Variants in NFIB observed in about 807,000 individuals in gnomAD.
The protein encoded by NFIB is nuclear factor I B.
Under a neutral mutation model 61.5 loss-of-function variants are expected in NFIB, and 11 were observed. That is an observed-to-expected ratio of 0.18 (90% CI 0.11 to 0.30). NFIB has a LOEUF of 0.30. Ranked by LOEUF, NFIB falls within the 10% of genes least tolerant of loss-of-function variation. NFIB has a pLI of 1.00. For missense variants in NFIB, 471 were observed against 608.9 expected (o/e 0.77, Z 2.38); for synonymous variants, 260 against 216.5 (o/e 1.20, Z -1.76).
chr9:14,443,023 C>T, the NFIB span, among the ~76,000 whole-genome samples: 1 of 144,030 alleles, frequency 6.9e-6, no homozygotes, highest in Non-Finnish European at 1.5e-5. Context: ...AAATCTAACC[C>T]AACCCCCCAC....
intron 6 of NFIB, among the ~76,000 whole-genome samples, chr9:14,128,010 A>T (rs1239026103): frequency 6.6e-6 from 1 of 152,014 alleles, no homozygotes; most frequent in African/African-American, 2.4e-5. Flanking sequence ...AAGAAAAAAA[A>T]TTTAAACCAT....
chr9:14,148,074 A>G (rs1395881299), intron 5 of NFIB, among the ~76,000 whole-genome samples: 1 of 152,118 alleles, frequency 6.6e-6, no homozygotes, highest in Non-Finnish European at 1.5e-5. Flanking sequence ...CCCCACCAAT[A>G]AAGCAGACAA....
intron 1 of NFIB, among the ~76,000 whole-genome samples, chr9:14,326,161 C>T (rs1015487950): frequency 6.6e-6 from 1 of 152,058 alleles, no homozygotes; most frequent in Non-Finnish European, 1.5e-5. Context: ...AGAGGAAAAC[C>T]CAGGCATAAA....
the NFIB span, among the ~76,000 whole-genome samples, chr9:14,458,215 T>C: frequency 6.6e-6 from 1 of 152,126 alleles, no homozygotes; most frequent in Non-Finnish European, 1.5e-5. Flanking sequence ...GTTCAACATA[T>C]GCAAATCAAT....
chr9:14,399,071 A>T (rs1311957827), upstream of NFIB: 1 of 199,200 alleles, frequency 5.0e-6, no homozygotes, highest in Non-Finnish European at 1.0e-5. Context: ...ACTATATGGG[A>T]ATTTCAAAAA....
chr9:14,277,536 T>C (rs2058085536), intron 2 of NFIB, among the ~76,000 whole-genome samples: 1 of 152,266 alleles, frequency 6.6e-6, no homozygotes, highest in Non-Finnish European at 1.5e-5. Context: ...AGTCTGAATT[T>C]AGTAATTTAA....
At position 14,082,668 on chromosome 9, in the gene NFIB, GTT is replaced by G. The variant is rs35029845; in HGVS notation, c.*5639_*5640del. 22 of 174,920 alleles carry G rather than the reference GTT, an allele frequency of 1.3e-4. No individual in the cohort carries two copies. Among genetic ancestry groups the G allele is most frequent in the African/African-American group, 2.1e-4 (8 of 38,704 alleles). 10.8% of individuals were successfully genotyped at this position (174,920 alleles called of 1,614,324 possible). A position where few individuals can be genotyped will look rare whatever the true frequency, so the allele number is the denominator to read the frequency against. ...GAGTTTTTTGGTAAACATTTTGCTG[GTT>G]TTTTTTTTTTGTTTGTTTCTTTCTT... is the stretch of plus-strand genomic sequence containing the variant. On this transcript the variant is annotated 3_prime_UTR_variant, in exon 11 of 11. Transcript: ENST00000380953.
At position 14,326,745 on chromosome 9, in the gene NFIB, A is replaced by C. The variant is rs138398136; in HGVS notation, c.109-19225T>G. The stretch of plus-strand genomic sequence containing the variant: ...TGCAGTTATGACTCAATGTGTGAAA[A>C]ATCTGCTCTCTGATTCAACAGTGGT... On this transcript the variant is annotated intron_variant, in intron 1 of 8. Coordinates refer to the NFIB transcript ENST00000380934. 6.1e-3 allele frequency among the ~76,000 whole-genome samples: 927 copies of C among 152,228 alleles called. 9 individuals are homozygous for C. Among genetic ancestry groups the C allele is most frequent in the South Asian group, 0.019 (93 of 4,822 alleles).
intron 2 of NFIB, among the ~76,000 whole-genome samples, chr9:14,245,079 A>G (rs1056413592): frequency 4.6e-5 from 7 of 152,168 alleles, no homozygotes; most frequent in Admixed American, 4.6e-4. Flanking sequence ...GTTTGGGATA[A>G]CAACAGCTAA....
the NFIB span, among the ~76,000 whole-genome samples, chr9:14,519,984 C>G: frequency 6.6e-5 from 10 of 151,872 alleles, no homozygotes; most frequent in Admixed American, 6.5e-4. Flanking sequence ...CCCCTTAGTT[C>G]TCTACGTTAT....
the NFIB span, among the ~76,000 whole-genome samples, chr9:14,432,039 T>A: frequency 2.9e-4 from 44 of 152,296 alleles, no homozygotes; most frequent in African/African-American, 1.1e-3. Context: ...GGGCTAGCAA[T>A]GCTCTTACTG....
chr9:14,365,704 T>C (rs2061291786), intron 1 of NFIB, among the ~76,000 whole-genome samples: 1 of 152,232 alleles, frequency 6.6e-6, no homozygotes, highest in Non-Finnish European at 1.5e-5. Context: ...CCAACAAACA[T>C]ATGCTCTTAT....
intron 2 of NFIB, chr9:14,180,881 T>G (rs2046690513): frequency 6.6e-6 from 1 of 152,152 alleles, no homozygotes; most frequent in African/African-American, 2.4e-5. Flanking sequence ...AAAAGGCAAT[T>G]TTGAACTTGA....
At chr9:14,233,677 G>A (rs780443689) in intron 2 of NFIB, among the ~76,000 whole-genome samples, 36 of 152,146 alleles carry the variant, frequency 2.4e-4, no homozygotes, top group Non-Finnish European at 4.1e-4. Flanking sequence ...TGATCCACTC[G>A]CCTCAGCCTC....
chr9:14,125,349 G>C lies in NFIB; in HGVS notation c.1060+283C>G, dbSNP rs184068748. 2.8e-3 allele frequency among the ~76,000 whole-genome samples: 420 copies of C among 152,148 alleles called. 2 individuals carry two copies. The highest frequency in any genetic ancestry group is 9.7e-3 in the African/African-American group (402 of 41,498). ...ATTTTTGTATTTTTAGTAGAGACGG[G>C]GTTCCACCATGTTGGTCAGGCTAGT... On this transcript the variant is annotated intron_variant, in intron 7 of 10. Coordinates refer to ENST00000380953, the MANE Select transcript of NFIB (RefSeq NM_001190737.2).
chr9:14,185,887 G>T (rs920105315), intron 2 of NFIB, among the ~76,000 whole-genome samples: 4 of 152,128 alleles, frequency 2.6e-5, no homozygotes, highest in African/African-American at 9.7e-5. Flanking sequence ...ACTATTTTGA[G>T]TTAGAAATTA....
At chr9:14,502,559 C>A in the NFIB span, among the ~76,000 whole-genome samples, 2 of 152,152 alleles carry the variant, frequency 1.3e-5, no homozygotes, top group Non-Finnish European at 2.9e-5. Flanking sequence ...TAAATGGGTA[C>A]GTAAGTCATC....
the NFIB span, among the ~76,000 whole-genome samples, chr9:14,459,699 C>A: frequency 2.0e-5 from 3 of 152,190 alleles, 1 homozygote; most frequent in East Asian, 1.9e-4. Context: ...CATCAAAAAG[C>A]GGGCGAAGGA....
At chr9:14,204,945 G>A (rs939488080) in intron 2 of NFIB, 10 of 338,412 alleles carry the variant, frequency 3.0e-5, no homozygotes, top group African/African-American at 1.1e-4. Flanking sequence ...AATGAGATCC[G>A]TCATCACTGG....
Sources: gnomAD v4.1 joint callset for allele counts (sites outside exome capture counted in the v4.1 genomes callset) on GRCh38, gnomAD v4.1.1 for gene constraint, MANE v1.5 for transcripts, NCBI Gene and HGNC (gene_info 2026-07-23, HGNC 2026-07-21) for gene names.